Variants in AGAP1 observed in about 807,000 individuals in gnomAD.
The protein encoded by AGAP1 is ArfGAP with GTPase domain, ankyrin repeat and PH domain 1, also known as arf-GAP with GTPase, ANK repeat and PH domain-containing protein 1.
Under a neutral mutation model 105.3 loss-of-function variants are expected in AGAP1, and 29 were observed. The ratio of observed to expected loss-of-function variants is 0.28; its 90% CI spans 0.21 to 0.38. The LOEUF (loss-of-function observed/expected upper bound fraction) is 0.38, where lower values mean the gene tolerates loss of function less well. Among genes scored for constraint, AGAP1 ranks in the 10% least tolerant of loss-of-function variants. The probability of loss-of-function intolerance (pLI) is 1.00; values close to 1 mark genes in which losing one functional copy is unlikely to be tolerated. For synonymous variants in AGAP1, 509 were observed against 485.9 expected (o/e 1.05, Z -0.63); for missense variants, 998 against 1,165.1 (o/e 0.86, Z 2.09).
chr2:235,576,399 C>T (rs1008901541), intron 1 of AGAP1, among the ~76,000 whole-genome samples: 12 of 152,256 alleles, frequency 7.9e-5, no homozygotes, highest in Middle Eastern at 3.4e-3. Context: ...CTTCTCAGTG[C>T]GCTGTGTCCT....
Position 235,576,444 on chromosome 2 carries a change from G to A in AGAP1, c.163+81595G>A, listed in dbSNP as rs1387426062. 2.6e-5 allele frequency among the ~76,000 whole-genome samples: 4 copies of A among 152,256 alleles called. No individual in the cohort carries two copies. In the East Asian group the frequency reaches 7.7e-4, roughly 29 times the overall value. ...TTTCCCCTGAAGTTTGACGAGTATG[G>A]TATATTCTGGTCACCAGGCAGGTGG... On this transcript the variant is annotated intron_variant, in intron 1 of 17. Coordinates refer to ENST00000304032, the MANE Select transcript of AGAP1 (RefSeq NM_001037131.3).
rs367799410 is a variant in AGAP1, at chr2:235,596,311, C to G, written c.163+101462C>G. On this transcript the variant is annotated intron_variant, in intron 1 of 17. Coordinates refer to ENST00000304032, the MANE Select transcript of AGAP1 (RefSeq NM_001037131.3). This position sits in a 1 kb window ranked among gnomAD's most constrained non-coding sequence, Gnocchi z 5.9. Reference sequence around the variant, plus strand: ...GGACTGTCCAGATGCCTGTGGGGCACTACAGAGTTTTGAGGAAATAGAGTC... The same window carrying G: ...GGACTGTCCAGATGCCTGTGGGGCAGTACAGAGTTTTGAGGAAATAGAGTC... Among the ~76,000 whole-genome samples, 7 of 152,318 alleles carry G rather than the reference C, an allele frequency of 4.6e-5. No homozygotes were observed. The highest frequency in any genetic ancestry group is 1.4e-4 in the African/African-American group (6 of 41,562).
At position 235,960,584 on chromosome 2, in the gene AGAP1, A is replaced by T. The variant is rs1322555254; in HGVS notation, c.1484-7878A>T. ...TGTGGCCCCTGCTATCGGCGTGCTTACTGGAGATGCGATTCCCCTCTTCCT... is the reference window on the plus strand; with the variant it reads ...TGTGGCCCCTGCTATCGGCGTGCTTTCTGGAGATGCGATTCCCCTCTTCCT... On this transcript the variant is annotated intron_variant, in intron 12 of 17. Coordinates refer to ENST00000304032, the MANE Select transcript of AGAP1 (RefSeq NM_001037131.3). The surrounding 1 kb of genome is among the most constrained non-coding windows in gnomAD (Gnocchi z 4.9). 3.9e-5 allele frequency among the ~76,000 whole-genome samples: 6 copies of T among 152,102 alleles called. No homozygotes were observed. Among genetic ancestry groups the T allele is most frequent in the Non-Finnish European group, 1.5e-5 (1 of 68,016 alleles).
In AGAP1 at chr2:235,793,500, G is replaced by A. The variant is rs1348557948; in HGVS notation, c.674-4259G>A. ...CTGGCAGGGTGTTCGATTGCCACAT[G>A]GTGGTGTCATGAGCAGTCCCAGAGC... On this transcript the variant is annotated intron_variant, in intron 6 of 17. Transcript: ENST00000304032. The surrounding 1 kb of genome is among the most constrained non-coding windows in gnomAD (Gnocchi z 5.3). Among the ~76,000 whole-genome samples, 1 of 152,202 alleles carries A rather than the reference G, an allele frequency of 6.6e-6. No homozygotes were observed. The highest frequency in any genetic ancestry group is 1.5e-5 in the Non-Finnish European group (1 of 68,046).
Position 235,883,254 on chromosome 2 carries a change from A to T in AGAP1, c.1051-91A>T. ...TCACAGAGTGAAGTTCTGCACACAC[A>T]CAGAACTTGAATGTATATGTTGCCT... On this transcript the variant is annotated intron_variant, in intron 9 of 17. Transcript: ENST00000304032. The surrounding 1 kb of genome is among the most constrained non-coding windows in gnomAD (Gnocchi z 4.5). 9.4e-7 allele frequency: 1 copy of T among 1,065,368 alleles called. No homozygotes were observed. Among genetic ancestry groups the T allele is most frequent in the African/African-American group, 1.6e-5 (1 of 63,112 alleles). 66.0% of individuals were successfully genotyped at this position (1,065,368 alleles called of 1,614,324 possible). A position where few individuals can be genotyped will look rare whatever the true frequency, so the allele number is the denominator to read the frequency against.
Position 236,003,126 on chromosome 2 carries a change from C to T in AGAP1, c.1646-33435C>T, listed in dbSNP as rs528510164. On this transcript the variant is annotated intron_variant, in intron 13 of 17. Coordinates refer to ENST00000304032, the MANE Select transcript of AGAP1 (RefSeq NM_001037131.3). This position sits in a 1 kb window ranked among gnomAD's most constrained non-coding sequence, Gnocchi z 4.2. ...GGCACGGTCTCAGCTCTTACTGCAG[C>T]CTCTGCCTCCCAGGTTCAAGCAGTT... 2.0e-3 allele frequency among the ~76,000 whole-genome samples: 311 copies of T among 152,338 alleles called. 1 individual carries two copies. Among genetic ancestry groups the T allele is most frequent in the Middle Eastern group, 3.4e-3 (1 of 294 alleles).
At chr2:235,948,565 A>AT (rs2053599123) in intron 12 of AGAP1, among the ~76,000 whole-genome samples, 1 of 152,228 alleles carries the variant, frequency 6.6e-6, no homozygotes, top group South Asian at 2.1e-4. Flanking sequence ...ACATTTGAGA[A>AT]TTTCCATGGC....
rs867391240 is a variant in AGAP1 at position 235,799,021 on chromosome 2, A to G, written c.802-346A>G. On this transcript the variant is annotated intron_variant, in intron 7 of 17. Coordinates refer to ENST00000304032, the MANE Select transcript of AGAP1 (RefSeq NM_001037131.3). The surrounding 1 kb of genome is among the most constrained non-coding windows in gnomAD (Gnocchi z 5.0). ...TCTGCTGATCTAGAGCAGTGGAGGG[A>G]CCATAGAATCCCTTTAGTTTAACCA... 1.3e-5 allele frequency among the ~76,000 whole-genome samples: 2 copies of G among 152,228 alleles called. No homozygotes were observed. The highest frequency in any genetic ancestry group is 3.4e-3 in the Middle Eastern group (1 of 294).
chr2:236,018,974 C>T (rs887167925), intron 13 of AGAP1, among the ~76,000 whole-genome samples: 9 of 152,210 alleles, frequency 5.9e-5, no homozygotes, highest in South Asian at 2.1e-4. Flanking sequence ...TACAGCTTCG[C>T]GCCTCAGGCC....
In AGAP1 at chr2:235,729,831, A is replaced by G. The variant is rs533950832; in HGVS notation, c.311-11132A>G. 6.6e-6 allele frequency among the ~76,000 whole-genome samples: 1 copy of G among 152,288 alleles called. No homozygotes were observed. The highest frequency in any genetic ancestry group is 2.1e-4 in the South Asian group (1 of 4,832). ...GACTTGTCACCTCTTCCGTGTTGCTACTGCCTGAGAACAGAGGTTTTTAGT... is the reference window on the plus strand; with the variant it reads ...GACTTGTCACCTCTTCCGTGTTGCTGCTGCCTGAGAACAGAGGTTTTTAGT... On this transcript the variant is annotated intron_variant, in intron 3 of 17. Transcript: ENST00000304032. The surrounding 1 kb of genome is among the most constrained non-coding windows in gnomAD (Gnocchi z 5.0).
chr2:235,647,048 A>G (rs1370525673), intron 1 of AGAP1, among the ~76,000 whole-genome samples: 2 of 151,366 alleles, frequency 1.3e-5, no homozygotes, highest in African/African-American at 4.9e-5. Context: ...AGGCAGGAGA[A>G]TGGCGTGAAC....
intron 1 of AGAP1, among the ~76,000 whole-genome samples, chr2:235,619,845 A>G (rs1946419300): frequency 6.6e-6 from 1 of 152,066 alleles, no homozygotes; most frequent in Non-Finnish European, 1.5e-5. Context: ...GCATTGCAAC[A>G]AGGGCCCTGT....
At chr2:236,010,610 C>T (rs949671096) in intron 13 of AGAP1, among the ~76,000 whole-genome samples, 1 of 152,200 alleles carries the variant, frequency 6.6e-6, no homozygotes, top group Non-Finnish European at 1.5e-5. Flanking sequence ...GACATCAGCA[C>T]ACTTTGTCCA....
At chr2:235,544,852 T>C (rs1346068741) in intron 1 of AGAP1, among the ~76,000 whole-genome samples, 1 of 152,234 alleles carries the variant, frequency 6.6e-6, no homozygotes, top group Non-Finnish European at 1.5e-5. Flanking sequence ...GCTTTGTTTC[T>C]GTTGGGTCAC....
rs574041281 is a variant in AGAP1 at position 235,882,621 on chromosome 2, G to C, written c.1051-724G>C. The C allele has an allele frequency of 2.6e-6, 1 of 387,230 alleles. No individual in the cohort carries two copies. The highest frequency in any genetic ancestry group is 4.3e-5 in the Admixed American group (1 of 23,274). 24.0% of individuals were successfully genotyped at this position (387,230 alleles called of 1,614,324 possible). ...TGGGATTATAGGTGCCCACCACTGC[G>C]TCCAGCTAATTTTTGTATTTTTAGT... On this transcript the variant is annotated intron_variant, in intron 9 of 17. Coordinates refer to ENST00000304032, the MANE Select transcript of AGAP1 (RefSeq NM_001037131.3). This position sits in a 1 kb window ranked among gnomAD's most constrained non-coding sequence, Gnocchi z 4.6.
intron 1 of AGAP1, among the ~76,000 whole-genome samples, chr2:235,506,333 G>A (rs62191498): frequency 0.45 from 68,403 of 151,876 alleles, 16,444 homozygotes; most frequent in Admixed American, 0.56. Flanking sequence ...TCGGGAGGCC[G>A]AAGTGGGAGG....
chr2:236,068,611 T>C (rs1245053228), intron 16 of AGAP1, among the ~76,000 whole-genome samples: 88 of 139,048 alleles, frequency 6.3e-4, no homozygotes, highest in Middle Eastern at 0.01. Context: ...CCATCCTGGC[T>C]AACACGGTGA....
At chr2:235,570,989 G>T (rs1944494487) in intron 1 of AGAP1, among the ~76,000 whole-genome samples, 2 of 152,244 alleles carry the variant, frequency 1.3e-5, no homozygotes, top group Admixed American at 1.3e-4. Context: ...GGCACCATTT[G>T]CTCAGCTTCA....
In AGAP1 at chr2:235,725,315, T is replaced by C. The variant is rs1298555246; in HGVS notation, c.310+7671T>C. Reference sequence around the variant, plus strand: ...TATGTTTTAACGAATGTTTACTTAGTTTCTTAGAAACAAAACGTGGTAAAC... The same window carrying C: ...TATGTTTTAACGAATGTTTACTTAGCTTCTTAGAAACAAAACGTGGTAAAC... On this transcript the variant is annotated intron_variant, in intron 3 of 17. Transcript: ENST00000304032. The surrounding 1 kb of genome is among the most constrained non-coding windows in gnomAD (Gnocchi z 5.7). 6.6e-6 allele frequency among the ~76,000 whole-genome samples: 1 copy of C among 152,208 alleles called. No individual in the cohort carries two copies. The highest frequency in any genetic ancestry group is 2.4e-5 in the African/African-American group (1 of 41,452).
Sources: allele counts gnomAD v4.1 joint callset (sites outside exome capture counted in the v4.1 genomes callset), GRCh38; gene constraint gnomAD v4.1.1; non-coding constraint Gnocchi (gnomAD v3.1); transcripts MANE v1.5; gene names NCBI Gene and HGNC (gene_info 2026-07-23, HGNC 2026-07-21).